Variants in NEDD4 observed in about 807,000 individuals in gnomAD.
The protein encoded by NEDD4 is NEDD4 E3 ubiquitin protein ligase.
NEDD4 carries 99 observed loss-of-function variants against 144.9 expected under a neutral mutation model. The ratio of observed to expected loss-of-function variants is 0.68; its 90% CI spans 0.58 to 0.81. The LOEUF (loss-of-function observed/expected upper bound fraction) is 0.81. NEDD4 is among the 30% of genes least tolerant of loss of function. NEDD4 has a pLI of 0.00. For synonymous variants in NEDD4, 318 were observed against 350.6 expected (o/e 0.91, Z 1.04); for missense variants, 985 against 1,065.9 (o/e 0.92, Z 1.06).
rs67955420 is a variant in NEDD4 at position 55,966,461 on chromosome 15, A to T, written c.119+12T>A. ...AAAGTTTTAAAATTATAATCCAAAT[A>T]GATATACTTACCTAGCTCCCAATAT... On this transcript the variant is annotated intron_variant, in intron 2 of 28. Transcript: ENST00000435532. 180,503 of 1,460,232 alleles carry T rather than the reference A, an allele frequency of 0.12. 12,251 individuals are homozygous for T. The highest frequency in any genetic ancestry group is 0.31 in the East Asian group (12,491 of 39,662). 90.5% of individuals were successfully genotyped at this position (1,460,232 alleles called of 1,614,324 possible).
At chr15:55,880,107 C>A (rs1043602349) in intron 5 of NEDD4, among the ~76,000 whole-genome samples, 1 of 152,094 alleles carries the variant, frequency 6.6e-6, no homozygotes, top group Non-Finnish European at 1.5e-5. Context: ...GCCTGACCTA[C>A]ATGGTGAAAC....
chr15:55,848,991 CT>C lies in NEDD4; in HGVS notation c.1348-106del. On this transcript the variant is annotated intron_variant, in intron 14 of 28. Transcript: ENST00000435532. ...CATCAATGGATATTTAAAATATTCT[CT>C]TGTAAAAGTCAATTTATACTTTATT... is the stretch of plus-strand genomic sequence containing the variant. 3.5e-6 allele frequency: 3 copies of C among 858,242 alleles called. No individual in the cohort carries two copies. The South Asian group carries it at 4.5e-5, about 13-fold the overall frequency. 53.2% of individuals were successfully genotyped at this position (858,242 alleles called of 1,614,324 possible). A position where few individuals can be genotyped will look rare whatever the true frequency, so the allele number is the denominator to read the frequency against.
At position 55,979,223 on chromosome 15, in the gene NEDD4, T is replaced by A. The variant is rs367649746; in HGVS notation, c.46-12677A>T. On this transcript the variant is annotated intron_variant, in intron 1 of 28. Transcript: ENST00000435532. ...ATTATAACAGAATAATTATATTAAT[T>A]GAAAAAATAAGAATGCTGAAATCTA... Among the ~76,000 whole-genome samples, 6 of 151,170 alleles carry A rather than the reference T, an allele frequency of 4.0e-5. No individual in the cohort carries two copies. The East Asian group carries it at 9.6e-4, about 24-fold the overall frequency.
In NEDD4 at chr15:55,925,983, T is replaced by C. The variant is rs137964612; in HGVS notation, c.238-1284A>G. ...CAGTATGTATATGTAAAAATACATA[T>C]ACATATGTATCATATACATATACAG... On this transcript the variant is annotated intron_variant, in intron 4 of 28. Coordinates refer to ENST00000435532, the MANE Select transcript of NEDD4 (RefSeq NM_006154.4). Among the ~76,000 whole-genome samples the C allele has an allele frequency of 2.9e-3, 443 of 152,088 alleles. 1 individual carries two copies. Among genetic ancestry groups the C allele is most frequent in the South Asian group, 4.4e-3 (21 of 4,818 alleles).
At chr15:55,932,421 G>C (rs541557592) in intron 4 of NEDD4, among the ~76,000 whole-genome samples, 3 of 152,148 alleles carry the variant, frequency 2.0e-5, no homozygotes, top group African/African-American at 7.2e-5. Flanking sequence ...AACGGGGAAA[G>C]GATTCCCTAT....
At chr15:55,849,592 A>C (rs2142004647) in intron 14 of NEDD4, among the ~76,000 whole-genome samples, 1 of 152,250 alleles carries the variant, frequency 6.6e-6, no homozygotes, top group South Asian at 2.1e-4. Flanking sequence ...ATTTTTGAAT[A>C]ACAGGAAGGT....
At position 55,993,496 on chromosome 15, in the gene NEDD4, C is replaced by CTG. The variant is rs1205201079; in HGVS notation, c.45+14_45+15insCA. ...CCGAAGGGAAGCCCGCCCCGCAGCC[C>CTG]CGCGGTCCCCGCACCTCGTCCTCCA... On this transcript the variant is annotated intron_variant, in intron 1 of 28. Coordinates refer to ENST00000435532, the MANE Select transcript of NEDD4 (RefSeq NM_006154.4). 1 of 1,595,202 alleles carries CTG rather than the reference C, an allele frequency of 6.3e-7. No homozygotes were observed. Among genetic ancestry groups the CTG allele is most frequent in the Non-Finnish European group, 8.5e-7 (1 of 1,173,332 alleles).
At chr15:55,974,383 T>C (rs750018604) in intron 1 of NEDD4, among the ~76,000 whole-genome samples, 18 of 151,954 alleles carry the variant, frequency 1.2e-4, no homozygotes, top group Non-Finnish European at 2.4e-4. Context: ...TTTCAAAAAA[T>C]AGAGGAGGAG....
chr15:55,927,077 C>CAAA (rs57940091), intron 4 of NEDD4, among the ~76,000 whole-genome samples: 796 of 69,092 alleles, frequency 0.012, no homozygotes, highest in Non-Finnish European at 0.014. Context: ...GACTACGTCT[C>CAAA]AAAAAAAAAA....
intron 8 of NEDD4, among the ~76,000 whole-genome samples, chr15:55,866,851 T>G (rs1262449498): frequency 6.6e-6 from 1 of 152,222 alleles, no homozygotes; most frequent in South Asian, 2.1e-4. Context: ...ATTTTTTGGA[T>G]AGAAGGCCTT....
intron 8 of NEDD4, among the ~76,000 whole-genome samples, chr15:55,864,830 A>G (rs1321506736): frequency 3.9e-5 from 6 of 152,296 alleles, no homozygotes. Flanking sequence ...AAATGACAAC[A>G]ATTAAAGCTG....
intron 28 of NEDD4, 132 bp from the exon 29 acceptor site, chr15:55,830,131 A>G: frequency 1.5e-6 from 1 of 674,646 alleles, no homozygotes; most frequent in Non-Finnish European, 2.5e-6. Context: ...CACCAGGGGT[A>G]GAAGTAAGAC....
chr15:55,937,782 C>T (rs1233711645), intron 4 of NEDD4, among the ~76,000 whole-genome samples: 9 of 152,096 alleles, frequency 5.9e-5, no homozygotes, highest in Non-Finnish European at 1.2e-4. Flanking sequence ...TTACACTCAC[C>T]AAAATTCCAA....
intron 5 of NEDD4, among the ~76,000 whole-genome samples, chr15:55,889,699 G>A (rs1226226673): frequency 6.6e-6 from 1 of 151,340 alleles, no homozygotes; most frequent in African/African-American, 2.4e-5. Flanking sequence ...GTTTTGTTTT[G>A]TTTTGTTTTG....
chr15:55,875,346 G>A (rs2034958101), intron 5 of NEDD4, among the ~76,000 whole-genome samples: 1 of 152,160 alleles, frequency 6.6e-6, no homozygotes, highest in South Asian at 2.1e-4. Context: ...GTCTTGCTCT[G>A]TCACCCTAGC....
intron 7 of NEDD4, among the ~76,000 whole-genome samples, chr15:55,871,838 T>G (rs1310805407): frequency 6.6e-6 from 1 of 152,222 alleles, no homozygotes; most frequent in Non-Finnish European, 1.5e-5. Flanking sequence ...ACGTTTTCAC[T>G]AGATTTTACT....
chr15:55,964,779 T>C (rs1382704619), intron 2 of NEDD4, among the ~76,000 whole-genome samples: 1 of 151,566 alleles, frequency 6.6e-6, no homozygotes, highest in Non-Finnish European at 1.5e-5. Flanking sequence ...AAACCGCATG[T>C]TGAAATTTGA....
chr15:55,943,295 T>C (rs1443490246), intron 4 of NEDD4, among the ~76,000 whole-genome samples: 1 of 152,216 alleles, frequency 6.6e-6, no homozygotes, highest in African/African-American at 2.4e-5. Flanking sequence ...TGAATGTTCA[T>C]AGCCAAGACA....
intron 5 of NEDD4, among the ~76,000 whole-genome samples, chr15:55,888,099 A>C (rs60482539): frequency 0.3 from 46,277 of 152,026 alleles, 7,187 homozygotes; most frequent in South Asian, 0.41. Flanking sequence ...CACTTTCACC[A>C]CTGTTATTCA....
Sources: gnomAD v4.1 joint callset for allele counts (sites outside exome capture counted in the v4.1 genomes callset) on GRCh38, gnomAD v4.1.1 for gene constraint, MANE v1.5 for transcripts, NCBI Gene and HGNC (gene_info 2026-07-23, HGNC 2026-07-21) for gene names.